Variants in ASTN1 observed in about 807,000 individuals in gnomAD.
ASTN1 encodes the protein astrotactin 1.
ASTN1 carries 41 observed loss-of-function variants against 140.7 expected under a neutral mutation model. The ratio of observed to expected loss-of-function variants is 0.29; its 90% confidence interval spans 0.23 to 0.38. The LOEUF is 0.38. Ranked by LOEUF, ASTN1 falls within the 10% of genes least tolerant of loss-of-function variation. The pLI, the probability that ASTN1 is intolerant of heterozygous loss-of-function variation, is 1.00. For synonymous variants in ASTN1, 640 were observed against 652.2 expected (o/e 0.98, Z 0.29); for missense variants, 1,479 against 1,678.8 (o/e 0.88, Z 2.08).
rs566946611 is a variant in ASTN1 at position 176,872,124 on chromosome 1, T to C, written c.3464-3097A>G. Among the ~76,000 whole-genome samples the C allele has an allele frequency of 5.3e-5, 8 of 152,194 alleles. No individual in the cohort carries two copies. The South Asian group carries it at 1.7e-3, about 32-fold the overall frequency. On this transcript the variant is annotated intron_variant, in intron 21 of 22. Transcript: ENST00000361833. ...CTCTGGGTGTTAGTTTCCATGTCTG[T>C]TCAATGATGGTTAATAATACATACC...
chr1:177,160,134 T>G (rs1337012708), intron 1 of ASTN1, among the ~76,000 whole-genome samples: 2 of 152,168 alleles, frequency 1.3e-5, no homozygotes, highest in East Asian at 1.9e-4. Flanking sequence ...TTTGAAAACT[T>G]TTAAGGCATG....
chr1:176,872,938 T>C (rs1668409459), intron 21 of ASTN1, among the ~76,000 whole-genome samples: 1 of 152,196 alleles, frequency 6.6e-6, no homozygotes, highest in South Asian at 2.1e-4. Context: ...TTATACACAT[T>C]ACTGTTTTGC....
chr1:177,088,466 C>T (rs921190386), intron 1 of ASTN1, among the ~76,000 whole-genome samples: 8 of 152,062 alleles, frequency 5.3e-5, no homozygotes, highest in African/African-American at 9.7e-5. Flanking sequence ...ACCATGTGCC[C>T]GACTGGATAC....
intron 16 of ASTN1, among the ~76,000 whole-genome samples, chr1:176,924,761 TG>T (rs1483576281): frequency 2.6e-5 from 4 of 152,308 alleles, no homozygotes; most frequent in African/African-American, 9.6e-5. Context: ...CTAAATTGTA[TG>T]GTAGAGACAA....
chr1:176,972,591 T>G (rs1273123396), intron 8 of ASTN1, among the ~76,000 whole-genome samples: 1 of 152,034 alleles, frequency 6.6e-6, no homozygotes, highest in Non-Finnish European at 1.5e-5. Flanking sequence ...CTCTAATTCC[T>G]AGACTCAAGC....
At chr1:177,058,828 A>AACACAC (rs144233356) in intron 2 of ASTN1, among the ~76,000 whole-genome samples, 1 of 149,120 alleles carries the variant, frequency 6.7e-6, no homozygotes, top group Non-Finnish European at 1.5e-5. Flanking sequence ...TACACAAACA[A>AACACAC]ACACACACAC....
At chr1:176,961,448 T>C (rs1672656589) in intron 9 of ASTN1, among the ~76,000 whole-genome samples, 1 of 152,160 alleles carries the variant, frequency 6.6e-6, no homozygotes, top group Admixed American at 6.6e-5. Flanking sequence ...TGCAGAGAAC[T>C]GCAAAGGGGC....
chr1:177,158,497 T>C (rs966000410), intron 1 of ASTN1, among the ~76,000 whole-genome samples: 1 of 152,200 alleles, frequency 6.6e-6, no homozygotes, highest in African/African-American at 2.4e-5. Flanking sequence ...TTGCCATCTG[T>C]GTGCATATAC....
At chr1:176,908,233 C>T (rs1327615193) in intron 16 of ASTN1, among the ~76,000 whole-genome samples, 2 of 152,094 alleles carry the variant, frequency 1.3e-5, no homozygotes, top group Non-Finnish European at 2.9e-5. Flanking sequence ...GCCATAGCAG[C>T]AAACAGACAG....
At chr1:176,957,084 G>A (rs1161369208) in intron 11 of ASTN1, among the ~76,000 whole-genome samples, 2 of 146,982 alleles carry the variant, frequency 1.4e-5, no homozygotes, top group Non-Finnish European at 3.0e-5. Context: ...TTTTTTTTTT[G>A]TAGAGACGAG....
chr1:177,133,016 G>A (rs1189629286), intron 1 of ASTN1, among the ~76,000 whole-genome samples: 2 of 152,154 alleles, frequency 1.3e-5, no homozygotes, highest in African/African-American at 4.8e-5. Context: ...AAATCACAAT[G>A]ATTCATACAC....
At chr1:176,981,211 C>CAAAAAAAAAAA (rs35209486) in intron 8 of ASTN1, among the ~76,000 whole-genome samples, 2 of 24,066 alleles carry the variant, frequency 8.3e-5, no homozygotes, top group Non-Finnish European at 1.8e-4. Context: ...GACTCTGTCT[C>CAAAAAAAAAAA]AAAAAAAAAA....
At chr1:176,971,197 T>C (rs948810791) in intron 8 of ASTN1, among the ~76,000 whole-genome samples, 1 of 152,180 alleles carries the variant, frequency 6.6e-6, no homozygotes, top group African/African-American at 2.4e-5. Flanking sequence ...TTGCAATATA[T>C]ACAGGAGAAG....
intron 16 of ASTN1, among the ~76,000 whole-genome samples, chr1:176,904,613 T>A (rs1376883128): frequency 1.3e-5 from 2 of 152,190 alleles, no homozygotes; most frequent in African/African-American, 2.4e-5. Context: ...GAGCCTCCCG[T>A]GCACTTGTCT....
intron 8 of ASTN1, among the ~76,000 whole-genome samples, chr1:176,965,923 C>T (rs1269733565): frequency 6.9e-6 from 1 of 145,602 alleles, no homozygotes; most frequent in African/African-American, 2.5e-5. Context: ...TATTTCTTAA[C>T]TGTAATTCCT....
intron 8 of ASTN1, among the ~76,000 whole-genome samples, chr1:176,967,236 C>T (rs187533902): frequency 5.9e-5 from 9 of 152,130 alleles, no homozygotes; most frequent in Admixed American, 5.9e-4. Flanking sequence ...AAATAAAAGG[C>T]CCCTCCCCAG....
chr1:177,125,412 G>A (rs568103685), intron 1 of ASTN1, among the ~76,000 whole-genome samples: 1 of 152,284 alleles, frequency 6.6e-6, no homozygotes, highest in South Asian at 2.1e-4. Context: ...GGTTTGTAGA[G>A]GAGAATTAAA....
intron 1 of ASTN1, among the ~76,000 whole-genome samples, chr1:177,061,912 G>T (rs564674754): frequency 6.6e-6 from 1 of 152,166 alleles, no homozygotes; most frequent in Non-Finnish European, 1.5e-5. Flanking sequence ...TATACATGAA[G>T]AAGACAGTGA....
chr1:177,029,804 T>C, intron 4 of ASTN1, 63 bp from the exon 5 acceptor site: 2 of 1,448,666 alleles, frequency 1.4e-6, no homozygotes, highest in Non-Finnish European at 1.9e-6. Context: ...CACCAAACCT[T>C]TGGGCAAGTT....
Sources: allele counts gnomAD v4.1 joint callset (sites outside exome capture counted in the v4.1 genomes callset), GRCh38; gene constraint gnomAD v4.1.1; transcripts MANE v1.5; gene names NCBI Gene and HGNC (gene_info 2026-07-23, HGNC 2026-07-21).